The following COL6A6 variants were observed in gnomAD, a reference collection of about 807,000 sequenced individuals.
The protein encoded by COL6A6 is collagen alpha-6(VI) chain.
COL6A6 carries 183 observed loss-of-function variants against 208.6 expected under a neutral mutation model. The observed-to-expected ratio is 0.88, with a 90% CI of 0.78 to 0.99. The LOEUF (loss-of-function observed/expected upper bound fraction) is 0.99. COL6A6 is among the 50% of genes least tolerant of loss of function. COL6A6 has a pLI of 0.00. For missense variants in COL6A6, 2,816 were observed against 2,815.2 expected, an observed-to-expected ratio of 1.00 and a Z score of -0.01; for synonymous variants, 973 against 1,011.8, an observed-to-expected ratio of 0.96 and a Z score of 0.73.
intron 1 of COL6A6, among the ~76,000 whole-genome samples, chr3:130,533,253 TAAAAAAA>T (rs59750509): frequency 5.4e-5 from 7 of 129,518 alleles, no homozygotes; most frequent in South Asian, 2.5e-4. Context: ...TCCCAGGAAT[TAAAAAAA>T]AAAAAAAAAA....
chr3:130,636,807 C>CTTCCTCCTCCCT, intron 28 of COL6A6, among the ~76,000 whole-genome samples: 1 of 17,438 alleles, frequency 5.7e-5, no homozygotes, highest in East Asian at 2.9e-3. Context: ...TCCCCCTCCC[C>CTTCCTCCTCCCT]TCCCCCTCCC....
Position 130,574,056 on chromosome 3 carries a change from T to G in COL6A6, c.3078T>G (p.Val1026=). ...FKKMKEFLAS[V]VQDFDVSLNR... ...AAATGAAGGAATTTCTGGCATCTGT[T>G]GTTCAAGACTTTGATGTCAGCCTCA... The change falls in exon 8 of 37, where the codon GTT becomes GTG. Residue 1026 remains valine, a synonymous_variant. Coordinates refer to ENST00000358511, the MANE Select transcript of COL6A6 (RefSeq NM_001102608.3). 1 of 1,613,974 alleles carries G rather than the reference T, an allele frequency of 6.2e-7. No individual in the cohort carries two copies. The highest frequency in any genetic ancestry group is 8.5e-7 in the Non-Finnish European group (1 of 1,179,866).
At chr3:130,663,869 A>G (rs1204965486) in intron 35 of COL6A6, among the ~76,000 whole-genome samples, 3 of 152,220 alleles carry the variant, frequency 2.0e-5, no homozygotes, top group South Asian at 4.1e-4. Flanking sequence ...TAAATCTTCA[A>G]TCTTTAAAAT....
At chr3:130,634,760 G>T in intron 27 of COL6A6, 135 bp downstream of exon 27, 1 of 615,448 alleles carries the variant, frequency 1.6e-6, no homozygotes, top group Non-Finnish European at 2.8e-6. Context: ...AGGGAAGAAA[G>T]AAATAGACCA....
chr3:130,598,502 A>G, intron 19 of COL6A6, 72 bp downstream of exon 19: 3 of 1,011,268 alleles, frequency 3.0e-6, no homozygotes, highest in Non-Finnish European at 4.5e-6. Context: ...AGAATGTGAA[A>G]TGCTTAACAA....
intron 1 of COL6A6, among the ~76,000 whole-genome samples, chr3:130,535,130 C>A (rs1198626946): frequency 6.6e-6 from 1 of 151,834 alleles, no homozygotes; most frequent in Non-Finnish European, 1.5e-5. Flanking sequence ...TCTTTTTTCC[C>A]CCTCACTATT....
chr3:130,544,070 A>C, intron 1 of COL6A6, among the ~76,000 whole-genome samples: 2 of 152,306 alleles, frequency 1.3e-5, no homozygotes, highest in Admixed American at 1.3e-4. Flanking sequence ...TATATTATTA[A>C]CTATAATTCT....
chr3:130,564,430 T>C (rs2062967841), intron 3 of COL6A6, among the ~76,000 whole-genome samples: 1 of 152,214 alleles, frequency 6.6e-6, no homozygotes. Context: ...TCCAAATATG[T>C]TATATAGGAA....
At chr3:130,621,992 G>T in intron 24 of COL6A6, 109 bp downstream of exon 24, 5 of 928,310 alleles carry the variant, frequency 5.4e-6, no homozygotes, top group East Asian at 2.5e-5. Context: ...CACATTTTCT[G>T]GTCCTTAAAC....
chr3:130,621,986 T>A, intron 24 of COL6A6, 103 bp downstream of exon 24: 1 of 979,510 alleles, frequency 1.0e-6, no homozygotes, highest in Non-Finnish European at 1.6e-6. Flanking sequence ...CAAGAACACA[T>A]TTTCTGGTCC....
intron 23 of COL6A6, among the ~76,000 whole-genome samples, chr3:130,617,657 A>G (rs569823222): frequency 3.9e-5 from 6 of 152,302 alleles, no homozygotes; most frequent in South Asian, 4.1e-4. Flanking sequence ...TTGTTTTCTT[A>G]GACTTAGCTG....
intron 8 of COL6A6, among the ~76,000 whole-genome samples, chr3:130,575,155 A>C (rs901720705): frequency 7.2e-5 from 11 of 152,208 alleles, no homozygotes; most frequent in Non-Finnish European, 1.2e-4. Flanking sequence ...ACTCAAAAAA[A>C]AAAGTTGCAA....
intron 19 of COL6A6, among the ~76,000 whole-genome samples, chr3:130,599,210 G>A (rs370236255): frequency 1.3e-5 from 2 of 152,190 alleles, no homozygotes; most frequent in Admixed American, 6.5e-5. Context: ...AATATTATCT[G>A]CCATTATTAG....
intron 20 of COL6A6, among the ~76,000 whole-genome samples, chr3:130,601,727 A>G (rs926432824): frequency 6.6e-6 from 1 of 152,246 alleles, no homozygotes; most frequent in African/African-American, 2.4e-5. Context: ...GAAATGGCAG[A>G]GTAAAGCTGT....
At chr3:130,590,288 TATATA>T (rs2063657997) in intron 12 of COL6A6, among the ~76,000 whole-genome samples, 9 of 24,990 alleles carry the variant, frequency 3.6e-4, no homozygotes, top group Non-Finnish European at 4.9e-4. Context: ...TATATATATA[TATATA>T]TATATATTTT....
At chr3:130,561,618 T>C (rs1046472844) in intron 2 of COL6A6, among the ~76,000 whole-genome samples, 1 of 150,470 alleles carries the variant, frequency 6.6e-6, no homozygotes, top group Non-Finnish European at 1.5e-5. Flanking sequence ...CCTTAGATGT[T>C]TTCTAGTTGA....
intron 36 of COL6A6, among the ~76,000 whole-genome samples, chr3:130,669,408 T>C (rs1360547127): frequency 6.6e-6 from 1 of 151,108 alleles, no homozygotes; most frequent in Non-Finnish European, 1.5e-5. Flanking sequence ...AATATATATA[T>C]AAATAAAAAT....
In COL6A6 at chr3:130,649,696, A is replaced by G. The variant is rs576938307; in HGVS notation, c.5733+134A>G. On this transcript the variant is annotated intron_variant, in intron 33 of 36. Transcript: ENST00000358511. ...AAAAATTCTGGATTGGCAGAGTAGA[A>G]TAAGTATTTCTTACTGTGTACTGGG... The G allele has an allele frequency of 5.1e-4, 462 of 905,996 alleles. 1 individual carries two copies. The African/African-American group carries it at 6.9e-3, about 14-fold the overall frequency. 56.1% of individuals were successfully genotyped at this position (905,996 alleles called of 1,614,324 possible). A position where few individuals can be genotyped will look rare whatever the true frequency, so the allele number is the denominator to read the frequency against.
chr3:130,578,108 G>A (rs1017778722), intron 8 of COL6A6, among the ~76,000 whole-genome samples: 5 of 152,144 alleles, frequency 3.3e-5, no homozygotes, highest in African/African-American at 1.2e-4. Flanking sequence ...TTAGGATGTG[G>A]AGGTTCTGCC....
Sources: allele counts gnomAD v4.1 joint callset (sites outside exome capture counted in the v4.1 genomes callset), GRCh38; gene constraint gnomAD v4.1.1; transcripts MANE v1.5; gene names NCBI Gene and HGNC (gene_info 2026-07-23, HGNC 2026-07-21).